Variants in CTNNBL1 observed in about 807,000 individuals in gnomAD.
CTNNBL1 encodes the protein catenin beta like 1, also known as beta-catenin-like protein 1.
In CTNNBL1, 31 loss-of-function variants were observed where a neutral mutation model predicts 72.7. That is an observed-to-expected ratio of 0.43 (90% confidence interval 0.32 to 0.58). The LOEUF is 0.58. Ranked by LOEUF, CTNNBL1 falls within the 20% of genes least tolerant of loss-of-function variation. The pLI is 0.08. For synonymous variants in CTNNBL1, 240 were observed against 267.3 expected, an observed-to-expected ratio of 0.90 and a Z score of 1.00; for missense variants, 534 against 725.1, an observed-to-expected ratio of 0.74 and a Z score of 3.03.
chr20:37,834,949 G>A (rs924946971), intron 11 of CTNNBL1, among the ~76,000 whole-genome samples: 1 of 152,196 alleles, frequency 6.6e-6, no homozygotes, highest in Non-Finnish European at 1.5e-5. Context: ...AAACAATATG[G>A]TGGCACTAAA....
intron 13 of CTNNBL1, among the ~76,000 whole-genome samples, chr20:37,849,004 A>G (rs555290773): frequency 2.3e-4 from 35 of 152,176 alleles, no homozygotes; most frequent in Non-Finnish European, 4.0e-4. Context: ...GCAGTTTACC[A>G]GTTTGACTAG....
intron 10 of CTNNBL1, among the ~76,000 whole-genome samples, chr20:37,797,950 G>T (rs987054127): frequency 1.3e-5 from 2 of 152,136 alleles, no homozygotes; most frequent in African/African-American, 4.8e-5. Context: ...AACATCCCCT[G>T]CAGCTTGGTT....
chr20:37,771,118 C>G (rs2073519106), intron 7 of CTNNBL1, among the ~76,000 whole-genome samples: 1 of 152,132 alleles, frequency 6.6e-6, no homozygotes, highest in Non-Finnish European at 1.5e-5. Flanking sequence ...ACTCCCTGCC[C>G]TTCCAATCTC....
chr20:37,836,117 A>C (rs1238047857), intron 11 of CTNNBL1, among the ~76,000 whole-genome samples: 1 of 152,250 alleles, frequency 6.6e-6, no homozygotes, highest in Non-Finnish European at 1.5e-5. Flanking sequence ...AGTAACAACA[A>C]AACAGTAAAA....
chr20:37,832,924 G>A (rs1456699289), intron 11 of CTNNBL1, among the ~76,000 whole-genome samples: 1 of 152,068 alleles, frequency 6.6e-6, no homozygotes, highest in Non-Finnish European at 1.5e-5. Flanking sequence ...CTCTGATTTG[G>A]GTGTACTAGA....
intron 1 of CTNNBL1, among the ~76,000 whole-genome samples, chr20:37,729,653 AT>A (rs1327093648): frequency 6.6e-6 from 1 of 152,168 alleles, no homozygotes. Context: ...GCTCACGCTA[AT>A]CAGAATCGCA....
At chr20:37,833,957 A>G (rs1016444509) in intron 11 of CTNNBL1, among the ~76,000 whole-genome samples, 3 of 152,192 alleles carry the variant, frequency 2.0e-5, no homozygotes, top group Non-Finnish European at 2.9e-5. Context: ...CCAGTAGCCT[A>G]TGGCGTGCCT....
chr20:37,825,987 A>C (rs1356590574), intron 11 of CTNNBL1, among the ~76,000 whole-genome samples: 1 of 152,196 alleles, frequency 6.6e-6, no homozygotes, highest in South Asian at 2.1e-4. Context: ...GGCGGTGTAC[A>C]CACATCGCAA....
chr20:37,775,928 G>A (rs1332794243), intron 7 of CTNNBL1, among the ~76,000 whole-genome samples: 1 of 152,138 alleles, frequency 6.6e-6, no homozygotes, highest in Non-Finnish European at 1.5e-5. Flanking sequence ...AAGTTGGTGT[G>A]GCTTAAATCT....
At chr20:37,860,755 G>C (rs1466866067) in intron 15 of CTNNBL1, among the ~76,000 whole-genome samples, 2 of 152,194 alleles carry the variant, frequency 1.3e-5, no homozygotes, top group Non-Finnish European at 2.9e-5. Context: ...ACAGTCAACT[G>C]TCCAGAAATA....
chr20:37,804,531 T>C (rs1443972409), intron 11 of CTNNBL1, among the ~76,000 whole-genome samples: 1 of 152,190 alleles, frequency 6.6e-6, no homozygotes, highest in Non-Finnish European at 1.5e-5. Flanking sequence ...TTCTGGTCTG[T>C]AAGATGAGGG....
intron 1 of CTNNBL1, among the ~76,000 whole-genome samples, chr20:37,695,984 C>G (rs1485677077): frequency 6.6e-6 from 1 of 152,170 alleles, no homozygotes; most frequent in East Asian, 1.9e-4. Context: ...CTTTTAAAGA[C>G]AGTTTAATTG....
chr20:37,870,218 T>G (rs2072571672), intron 15 of CTNNBL1, among the ~76,000 whole-genome samples: 1 of 152,040 alleles, frequency 6.6e-6, no homozygotes, highest in South Asian at 2.1e-4. Context: ...GAATATTTCC[T>G]TTCTCTTCCT....
intron 7 of CTNNBL1, among the ~76,000 whole-genome samples, chr20:37,777,061 C>G (rs2073580030): frequency 6.6e-6 from 1 of 152,126 alleles, no homozygotes; most frequent in Non-Finnish European, 1.5e-5. Context: ...ATGGGCTAGA[C>G]ATATATAATC....
intron 7 of CTNNBL1, among the ~76,000 whole-genome samples, chr20:37,776,169 A>ATACCT (rs1401269633): frequency 1.3e-5 from 2 of 152,224 alleles, no homozygotes; most frequent in African/African-American, 4.8e-5. Flanking sequence ...CCCAGGGAGC[A>ATACCT]TACCTTACAT....
chr20:37,746,389 T>C (rs1394047159), intron 3 of CTNNBL1, 79 bp from the exon 4 acceptor site: 1 of 1,486,052 alleles, frequency 6.7e-7, no homozygotes, highest in Non-Finnish European at 9.2e-7. Context: ...GATTGCCTTG[T>C]TGTCTAGATT....
chr20:37,733,047 G>T lies in CTNNBL1; in HGVS notation c.199G>T (p.Gly67Trp), dbSNP rs2073143659. The T allele has an allele frequency of 6.2e-7, 1 of 1,613,410 alleles. No homozygotes were observed. The highest frequency in any genetic ancestry group is 2.2e-5 in the East Asian group (1 of 44,870). The change falls in exon 2 of 16, where the codon GGG (glycine) becomes TGG (tryptophan). Residue 67 changes from glycine (G) to tryptophan (W), a missense_variant. By Grantham distance (184) the Gly-to-Trp change is radical (BLOSUM62 -2). Coordinates refer to ENST00000361383, the MANE Select transcript of CTNNBL1 (RefSeq NM_030877.5). ...GCTGCTGCAGATTATTGACAGAGAT[G>T]GGGAAGAGGAAGAGGAAGAGGTAAC... is the stretch of plus-strand genomic sequence containing the variant. The part of the protein sequence containing the change: ...KRLLQIIDRD[G>W]EEEEEEEEPL...
At chr20:37,805,825 C>T (rs181541328) in intron 11 of CTNNBL1, among the ~76,000 whole-genome samples, 8 of 152,272 alleles carry the variant, frequency 5.3e-5, no homozygotes, top group Admixed American at 4.6e-4. Flanking sequence ...ATTATGGAAC[C>T]AATGGCCTTG....
Position 37,732,973 on chromosome 20 carries a change from G to T in CTNNBL1, c.125G>T (p.Arg42Leu). 1 of 1,614,046 alleles carries T rather than the reference G, an allele frequency of 6.2e-7. No individual in the cohort carries two copies. Among genetic ancestry groups the T allele is most frequent in the South Asian group, 1.1e-5 (1 of 91,062 alleles). ...QTGTRERGRY[R>L]EEEMTVVEEA... ...GGTACTCGAGAACGCGGCCGCTATCGGGAAGAAGAAATGACTGTGGTGGAG... is the reference window on the plus strand; with the variant it reads ...GGTACTCGAGAACGCGGCCGCTATCTGGAAGAAGAAATGACTGTGGTGGAG... The change falls in exon 2 of 16, where the codon CGG becomes CTG. Residue 42 changes from arginine (R) to leucine (L), a missense_variant. Coordinates refer to ENST00000361383, the MANE Select transcript of CTNNBL1 (RefSeq NM_030877.5).
Sources: gnomAD v4.1 joint callset for allele counts (sites outside exome capture counted in the v4.1 genomes callset) on GRCh38, gnomAD v4.1.1 for gene constraint, MANE v1.5 for transcripts, NCBI Gene and HGNC (gene_info 2026-07-23, HGNC 2026-07-21) for gene names.